The following NWD2 variants were observed in gnomAD, a reference collection of about 807,000 sequenced individuals.
NWD2 encodes NACHT and WD repeat domain-containing protein 2.
A neutral mutation model predicts 132.7 loss-of-function variants in NWD2; 37 were observed. The observed-to-expected ratio is 0.28, with a 90% CI of 0.21 to 0.37. NWD2 has a LOEUF of 0.37. Among genes scored for constraint, NWD2 ranks in the 10% least tolerant of loss-of-function variants. The pLI is 1.00. For missense variants in NWD2, 1,592 were observed against 2,122.4 expected, an observed-to-expected ratio of 0.75 and a Z score of 4.91; for synonymous variants, 705 against 803.0, an observed-to-expected ratio of 0.88 and a Z score of 2.06.
At chr4:37,373,106 C>A (rs183722832) in intron 3 of NWD2, among the ~76,000 whole-genome samples, 1 of 152,258 alleles carries the variant, frequency 6.6e-6, no homozygotes, top group Admixed American at 6.5e-5. Context: ...TATGCATGTG[C>A]CAGGTGCTAT....
rs149418890 is a variant in NWD2 at position 37,304,376 on chromosome 4, C to CCAAATCTCATGTCCTTCT, written c.152-21557_152-21540dup. On this transcript the variant is annotated intron_variant, in intron 1 of 6. Transcript: ENST00000309447. ...CCATATTATTCTACCCCGGTCCTTC[C>CCAAATCTCATGTCCTTCT]CAAATCTCATGTCCTTCTCACATTG... Among the ~76,000 whole-genome samples the CCAAATCTCATGTCCTTCT allele has an allele frequency of 8.3e-3, 1,265 of 152,266 alleles. 45 individuals carry two copies. In the East Asian group the frequency reaches 0.12, roughly 15 times the overall value.
intron 1 of NWD2, among the ~76,000 whole-genome samples, chr4:37,275,314 C>A (rs1236556761): frequency 1.3e-5 from 2 of 152,202 alleles, no homozygotes; most frequent in East Asian, 3.9e-4. Flanking sequence ...CATGAGTGAA[C>A]TCCCATTCAC....
At chr4:37,275,447 A>G (rs996184936) in intron 1 of NWD2, among the ~76,000 whole-genome samples, 9 of 152,300 alleles carry the variant, frequency 5.9e-5, no homozygotes, top group African/African-American at 2.2e-4. Context: ...AAATAGAAGA[A>G]CACTCCATGC....
intron 3 of NWD2, among the ~76,000 whole-genome samples, chr4:37,401,547 C>G (rs1339039657): frequency 1.3e-5 from 2 of 152,164 alleles, no homozygotes; most frequent in Non-Finnish European, 2.9e-5. Flanking sequence ...TCATTGATCC[C>G]TCCAGCTGCA....
At chr4:37,321,857 T>G (rs1719076457) in intron 1 of NWD2, among the ~76,000 whole-genome samples, 1 of 152,212 alleles carries the variant, frequency 6.6e-6, no homozygotes, top group Non-Finnish European at 1.5e-5. Flanking sequence ...CCATTGGATA[T>G]GTGTATATGC....
chr4:37,275,094 A>G (rs1469675753), intron 1 of NWD2, among the ~76,000 whole-genome samples: 1 of 152,164 alleles, frequency 6.6e-6, no homozygotes, highest in Non-Finnish European at 1.5e-5. Context: ...ACCAGGCAGG[A>G]GAAGGAAATA....
rs149175584 is a variant in NWD2, at chr4:37,437,274, G to C, written c.707-1527G>C. Among the ~76,000 whole-genome samples the C allele has an allele frequency of 5.3e-5, 8 of 152,156 alleles. No individual in the cohort carries two copies. In the East Asian group the frequency reaches 1.5e-3, roughly 29 times the overall value. On this transcript the variant is annotated intron_variant, in intron 5 of 6. Coordinates refer to ENST00000309447, the MANE Select transcript of NWD2 (RefSeq NM_001144990.2). ...ACCTGCAGATTCTGTGGCTGATGAG[G>C]GCCAACTTCCCGCTCACAGATGGCT...
intron 2 of NWD2, among the ~76,000 whole-genome samples, chr4:37,339,198 G>A (rs1719470935): frequency 6.6e-6 from 1 of 152,144 alleles, no homozygotes; most frequent in African/African-American, 2.4e-5. Flanking sequence ...TCCCATCCAT[G>A]TGAGTGAGGC....
At position 37,324,864 on chromosome 4, in the gene NWD2, G is replaced by A. The variant is rs537835768; in HGVS notation, c.152-1072G>A. 5.9e-5 allele frequency among the ~76,000 whole-genome samples: 9 copies of A among 152,172 alleles called. 1 individual carries two copies. The highest frequency in any genetic ancestry group is 1.9e-4 in the African/African-American group (8 of 41,500). ...GTAGGAAAATAGAGTAGGTCAACACGGCATATGGTTAAATTTTCATGGACA... is the reference window on the plus strand; with the variant it reads ...GTAGGAAAATAGAGTAGGTCAACACAGCATATGGTTAAATTTTCATGGACA... On this transcript the variant is annotated intron_variant, in intron 1 of 6. Coordinates refer to ENST00000309447, the MANE Select transcript of NWD2 (RefSeq NM_001144990.2).
chr4:37,271,184 C>A (rs946188808), intron 1 of NWD2, among the ~76,000 whole-genome samples: 3 of 151,770 alleles, frequency 2.0e-5, no homozygotes, highest in Admixed American at 1.3e-4. Context: ...GTAAGTCCAT[C>A]CACTCTATTT....
chr4:37,246,121 ATG>A (rs1717239151), intron 1 of NWD2, among the ~76,000 whole-genome samples: 1 of 152,206 alleles, frequency 6.6e-6, no homozygotes. Flanking sequence ...ATGTTTGGCT[ATG>A]AGTCCATGGG....
intron 3 of NWD2, among the ~76,000 whole-genome samples, chr4:37,398,393 T>C (rs1258565400): frequency 6.6e-6 from 1 of 151,988 alleles, no homozygotes; most frequent in East Asian, 1.9e-4. Context: ...AAGTGGGAGC[T>C]AAACAATGAG....
intron 2 of NWD2, among the ~76,000 whole-genome samples, chr4:37,341,554 GC>G (rs1160733136): frequency 6.6e-6 from 1 of 152,134 alleles, no homozygotes; most frequent in East Asian, 1.9e-4. Context: ...GAAGTGTTAG[GC>G]GGGGACCTGA....
intron 3 of NWD2, among the ~76,000 whole-genome samples, chr4:37,398,380 C>T (rs1210062134): frequency 6.6e-6 from 1 of 152,130 alleles, no homozygotes; most frequent in Non-Finnish European, 1.5e-5. Flanking sequence ...TGTTCTCAGT[C>T]ATAAGTGGGA....
intron 1 of NWD2, among the ~76,000 whole-genome samples, chr4:37,265,935 A>G (rs1717741016): frequency 6.6e-6 from 1 of 152,042 alleles, no homozygotes; most frequent in Non-Finnish European, 1.5e-5. Context: ...TATTTAGCTT[A>G]CCTTAAACAA....
At chr4:37,274,730 A>G (rs1368158654) in intron 1 of NWD2, among the ~76,000 whole-genome samples, 1 of 152,006 alleles carries the variant, frequency 6.6e-6, no homozygotes, top group Admixed American at 6.6e-5. Flanking sequence ...AAGCTTATCC[A>G]CCATGATCAA....
chr4:37,245,860 C>G (rs538778859), intron 1 of NWD2, among the ~76,000 whole-genome samples: 3 of 152,294 alleles, frequency 2.0e-5, no homozygotes, highest in African/African-American at 7.2e-5. Flanking sequence ...GTATCTAAAA[C>G]TTGGCCTACT....
At chr4:37,441,470 T>C (rs1712482369) in intron 6 of NWD2, among the ~76,000 whole-genome samples, 1 of 152,238 alleles carries the variant, frequency 6.6e-6, no homozygotes, top group Non-Finnish European at 1.5e-5. Flanking sequence ...TATCGTTCAA[T>C]TTGACTAAGT....
At chr4:37,280,764 T>G (rs1718111406) in intron 1 of NWD2, among the ~76,000 whole-genome samples, 1 of 152,094 alleles carries the variant, frequency 6.6e-6, no homozygotes, top group Non-Finnish European at 1.5e-5. Context: ...ATAGTAGAAT[T>G]GTTACCGCCC....
Sources: allele counts gnomAD v4.1 joint callset (sites outside exome capture counted in the v4.1 genomes callset), GRCh38; gene constraint gnomAD v4.1.1; transcripts MANE v1.5; gene names NCBI Gene and HGNC (gene_info 2026-07-23, HGNC 2026-07-21).